Variants in PGCKA1 observed in about 807,000 individuals in gnomAD.
PGCKA1 encodes PDCD10 and GCKIII kinases-associated protein 1.
the PGCKA1 span, among the ~76,000 whole-genome samples, chr4:37,461,765 G>A: frequency 6.6e-6 from 1 of 152,020 alleles, no homozygotes; most frequent in African/African-American, 2.4e-5. Flanking sequence ...TGGCAGCAGT[G>A]ACCCTGGTTG....
chr4:37,454,253 A>C, the PGCKA1 span, among the ~76,000 whole-genome samples: 2 of 152,150 alleles, frequency 1.3e-5, no homozygotes, highest in African/African-American at 2.4e-5. Flanking sequence ...GGGCTCTAAA[A>C]GGGGCAAAAC....
the PGCKA1 span, among the ~76,000 whole-genome samples, chr4:37,580,835 C>T: frequency 6.6e-6 from 1 of 152,214 alleles, no homozygotes; most frequent in African/African-American, 2.4e-5. Flanking sequence ...GTGTCCTTCC[C>T]TTCAGGGTGA....
chr4:37,509,721 G>T, the PGCKA1 span, among the ~76,000 whole-genome samples: 1 of 151,402 alleles, frequency 6.6e-6, no homozygotes, highest in African/African-American at 2.4e-5. Flanking sequence ...AGCACTTCGC[G>T]AGGCCGAGGC....
chr4:37,550,084 G>A, the PGCKA1 span, among the ~76,000 whole-genome samples: 1 of 152,206 alleles, frequency 6.6e-6, no homozygotes, highest in East Asian at 1.9e-4. Context: ...ACTCCAAAAG[G>A]AACCTGTTTG....
chr4:37,589,645 C>T, the PGCKA1 span, among the ~76,000 whole-genome samples: 11 of 152,050 alleles, frequency 7.2e-5, no homozygotes, highest in African/African-American at 2.2e-4. Context: ...CCTTGTTTAT[C>T]TTTTTCAAGA....
chr4:37,585,065 G>T, the PGCKA1 span, among the ~76,000 whole-genome samples: 2 of 131,744 alleles, frequency 1.5e-5, no homozygotes, highest in South Asian at 5.3e-4. Context: ...TTGTTGGTTG[G>T]TTTGCTTTTA....
the PGCKA1 span, among the ~76,000 whole-genome samples, chr4:37,463,755 A>G: frequency 6.6e-6 from 1 of 151,942 alleles, no homozygotes; most frequent in Non-Finnish European, 1.5e-5. Flanking sequence ...CTGCCTTTGA[A>G]TCTGCCTAGA....
the PGCKA1 span, chr4:37,589,046 A>C: frequency 3.5e-6 from 2 of 573,252 alleles, no homozygotes; most frequent in Non-Finnish European, 6.1e-6. Flanking sequence ...GAATTGTTAT[A>C]ATATCATTTA....
the PGCKA1 span, among the ~76,000 whole-genome samples, chr4:37,576,297 C>G: frequency 6.6e-6 from 1 of 152,126 alleles, no homozygotes; most frequent in African/African-American, 2.4e-5. Flanking sequence ...AGAGATCTTT[C>G]ACTTTTTTGG....
the PGCKA1 span, among the ~76,000 whole-genome samples, chr4:37,487,741 A>G: frequency 6.6e-6 from 1 of 152,324 alleles, no homozygotes; most frequent in East Asian, 1.9e-4. Context: ...TTCATGAATC[A>G]TACATTTATA....
At chr4:37,493,354 A>G in the PGCKA1 span, among the ~76,000 whole-genome samples, 1 of 152,206 alleles carries the variant, frequency 6.6e-6, no homozygotes, top group Non-Finnish European at 1.5e-5. Context: ...ATAAAAAGCT[A>G]ATTCATTTGT....
the PGCKA1 span, among the ~76,000 whole-genome samples, chr4:37,580,933 G>C: frequency 6.6e-6 from 1 of 152,186 alleles, no homozygotes; most frequent in Admixed American, 6.5e-5. Flanking sequence ...CTGGGGCTGA[G>C]CTGTCACTCA....
chr4:37,453,976 G>C, the PGCKA1 span: 1 of 157,230 alleles, frequency 6.4e-6, no homozygotes, highest in African/African-American at 2.4e-5. Context: ...GCGGCTGCCC[G>C]AGGCCGGCGA....
At chr4:37,543,290 C>T in the PGCKA1 span, among the ~76,000 whole-genome samples, 2 of 152,186 alleles carry the variant, frequency 1.3e-5, no homozygotes, top group South Asian at 2.1e-4. Context: ...CCACCATTCT[C>T]CACTGAACCC....
At chr4:37,538,067 T>TCA in the PGCKA1 span, among the ~76,000 whole-genome samples, 49 of 150,186 alleles carry the variant, frequency 3.3e-4, no homozygotes, top group Admixed American at 8.0e-4. Context: ...CACAACCCTG[T>TCA]CACACACACA....
chr4:37,564,077 C>T, the PGCKA1 span, among the ~76,000 whole-genome samples: 6 of 151,824 alleles, frequency 4.0e-5, no homozygotes, highest in African/African-American at 7.3e-5. Flanking sequence ...GGTCGAGACC[C>T]GCCTGGCCAA....
chr4:37,490,409 A>G, the PGCKA1 span, among the ~76,000 whole-genome samples: 1 of 152,114 alleles, frequency 6.6e-6, no homozygotes, highest in East Asian at 1.9e-4. Flanking sequence ...CTTCCTTTTC[A>G]TGTACTAGAA....
At chr4:37,567,050 A>C in the PGCKA1 span, among the ~76,000 whole-genome samples, 1 of 148,846 alleles carries the variant, frequency 6.7e-6, no homozygotes, top group Non-Finnish European at 1.5e-5. Context: ...CTTCTTGCAT[A>C]ATCCAGCGGA....
the PGCKA1 span, among the ~76,000 whole-genome samples, chr4:37,469,104 A>G: frequency 6.6e-6 from 1 of 152,174 alleles, no homozygotes; most frequent in Non-Finnish European, 1.5e-5. Flanking sequence ...GTATAGTCAC[A>G]TGCGGTACAG....
Sources: gnomAD v4.1 joint callset for allele counts (sites outside exome capture counted in the v4.1 genomes callset) on GRCh38, gnomAD v4.1.1 for gene constraint, MANE v1.5 for transcripts, NCBI Gene and HGNC (gene_info 2026-07-23, HGNC 2026-07-21) for gene names.